The following PTGER4 variants were observed in gnomAD, a reference collection of about 807,000 sequenced individuals.
The protein encoded by PTGER4 is prostaglandin E receptor 4, also known as prostaglandin E2 receptor EP4 subtype.
In PTGER4, 11 loss-of-function variants were observed where a neutral mutation model predicts 33.2. That is an observed-to-expected ratio of 0.33 (90% confidence interval 0.21 to 0.55). PTGER4 has a LOEUF of 0.55. Among genes scored for constraint, PTGER4 ranks in the 20% least tolerant of loss-of-function variants. The probability of loss-of-function intolerance (pLI) is 0.92; values close to 1 mark genes in which losing one functional copy is unlikely to be tolerated. For missense variants in PTGER4, 481 were observed against 650.2 expected (o/e 0.74, Z 2.83); for synonymous variants, 275 against 281.5 (o/e 0.98, Z 0.23).
chr5:40,730,299 G>T, the PTGER4 span: 1 of 1,612,080 alleles, frequency 6.2e-7, no homozygotes, highest in Non-Finnish European at 8.5e-7. Context: ...ATCATTTGGA[G>T]TTAACTGTAG....
the PTGER4 span, among the ~76,000 whole-genome samples, chr5:40,723,294 T>C: frequency 6.6e-6 from 1 of 152,094 alleles, no homozygotes; most frequent in African/African-American, 2.4e-5. Context: ...ACACAAACAC[T>C]GTGGAAGGCC....
the PTGER4 span, among the ~76,000 whole-genome samples, chr5:40,741,024 T>C: frequency 2.0e-5 from 3 of 152,358 alleles, no homozygotes; most frequent in Admixed American, 1.3e-4. Flanking sequence ...AATCTCTCTG[T>C]CCACTACTTC....
At position 40,686,594 on chromosome 5, in the gene PTGER4, A is replaced by G. The variant is rs45490391; in HGVS notation, c.867+4734A>G. On this transcript the variant is annotated intron_variant, in intron 2 of 2. Transcript: ENST00000302472. Reference sequence around the variant, plus strand: ...GCTTGTTTGCTTCCAAAGCTTGGGCATTTATCTCTACAGCATATAGCCTCC... The same window carrying G: ...GCTTGTTTGCTTCCAAAGCTTGGGCGTTTATCTCTACAGCATATAGCCTCC... Among the ~76,000 whole-genome samples, 1,024 of 152,336 alleles carry G rather than the reference A, an allele frequency of 6.7e-3. 8 individuals are homozygous for G. Among genetic ancestry groups the G allele is most frequent in the African/African-American group, 0.022 (918 of 41,578 alleles).
chr5:40,722,039 A>C, the PTGER4 span, among the ~76,000 whole-genome samples: 4 of 152,204 alleles, frequency 2.6e-5, no homozygotes, highest in Non-Finnish European at 4.4e-5. Flanking sequence ...CAATATCACT[A>C]ATCAGGGAAA....
chr5:40,727,083 T>C, the PTGER4 span, among the ~76,000 whole-genome samples: 1 of 152,194 alleles, frequency 6.6e-6, no homozygotes, highest in African/African-American at 2.4e-5. Flanking sequence ...TTCCTTACTA[T>C]TTCTGAGAAT....
chr5:40,723,363 T>A, the PTGER4 span, among the ~76,000 whole-genome samples: 10 of 152,134 alleles, frequency 6.6e-5, no homozygotes, highest in South Asian at 2.1e-3. Context: ...TCTGCTGACC[T>A]TCCCTCCACT....
the PTGER4 span, chr5:40,716,517 GT>G: frequency 5.1e-5 from 78 of 1,540,674 alleles, no homozygotes; most frequent in Non-Finnish European, 6.0e-5. Context: ...TAAGGTCAGA[GT>G]TTTTTGTTTT....
At chr5:40,697,751 A>T (rs566463639), downstream of PTGER4, among the ~76,000 whole-genome samples, 1 of 152,112 alleles carries the variant, frequency 6.6e-6, no homozygotes, top group South Asian at 2.1e-4. Flanking sequence ...TCCATGAAAA[A>T]CAAAGAGAGG....
Position 40,692,161 on chromosome 5 carries a change from G to A in PTGER4, c.1250G>A (p.Gly417Asp). 7 of 1,614,224 alleles carry A rather than the reference G, an allele frequency of 4.3e-6. No individual in the cohort carries two copies. The highest frequency in any genetic ancestry group is 5.1e-6 in the Non-Finnish European group (6 of 1,180,046). The change falls in exon 3 of 3, where the codon GGT becomes GAT. Residue 417 changes from glycine to aspartate, a missense_variant. Physicochemically the swap from Gly to Asp is moderately conservative, Grantham distance 94. Coordinates refer to ENST00000302472, the MANE Select transcript of PTGER4 (RefSeq NM_000958.3). ...CTTGGAGGCAGGAATTTGCTTCCAG[G>A]TGTGCCTGGCATGGGCCTGGCCCAG... Reference protein sequence around the residue: ...NGLGGRNLLPGVPGMGLAQED... With the variant: ...NGLGGRNLLPDVPGMGLAQED...
chr5:40,713,668 G>A, the PTGER4 span, among the ~76,000 whole-genome samples: 2 of 152,138 alleles, frequency 1.3e-5, no homozygotes, highest in African/African-American at 2.4e-5. Flanking sequence ...TAGACACTCT[G>A]ACTAATGAGT....
intron 2 of PTGER4, among the ~76,000 whole-genome samples, chr5:40,687,756 T>C (rs1561129802): frequency 2.6e-5 from 4 of 152,348 alleles, no homozygotes; most frequent in South Asian, 4.1e-4. Context: ...ATTTGGACTT[T>C]TGCTTTTTAA....
the PTGER4 span, among the ~76,000 whole-genome samples, chr5:40,720,326 CTT>C: frequency 2.0e-5 from 3 of 152,154 alleles, no homozygotes; most frequent in African/African-American, 7.2e-5. Context: ...ATTAAATTGT[CTT>C]GACACCCTTG....
the PTGER4 span, among the ~76,000 whole-genome samples, chr5:40,730,839 G>A: frequency 4.6e-5 from 7 of 151,992 alleles, no homozygotes; most frequent in Admixed American, 2.6e-4. Flanking sequence ...AACAGATAAG[G>A]GAGAAAAAAG....
downstream of PTGER4, among the ~76,000 whole-genome samples, chr5:40,695,597 AGCT>A (rs757151734): frequency 3.3e-5 from 5 of 152,064 alleles, no homozygotes; most frequent in Non-Finnish European, 2.9e-5. Flanking sequence ...CCGTGTGCCC[AGCT>A]ACTCAGGAGG....
chr5:40,692,002 C>T lies in PTGER4; in HGVS notation c.1091C>T (p.Ser364Leu). The change falls in exon 3 of 3, where the codon TCA becomes TTA. Residue 364 changes from serine to leucine, a missense_variant. By Grantham distance (145) the Ser-to-Leu change is moderately radical (BLOSUM62 -2). Transcript: ENST00000302472. ...SRRERSGQHC[S>L]DSQRTSSAMS... is the part of the protein sequence containing the mutation. ...AGGGAGCGCTCCGGACAGCACTGCTCAGACAGTCAAAGGACATCTTCTGCC... is the reference window on the plus strand; with the variant it reads ...AGGGAGCGCTCCGGACAGCACTGCTTAGACAGTCAAAGGACATCTTCTGCC... 1 of 1,614,182 alleles carries T rather than the reference C, an allele frequency of 6.2e-7. No homozygotes were observed. The highest frequency in any genetic ancestry group is 8.5e-7 in the Non-Finnish European group (1 of 1,180,032).
the PTGER4 span, among the ~76,000 whole-genome samples, chr5:40,724,253 A>C: frequency 7.2e-5 from 11 of 152,242 alleles, no homozygotes; most frequent in Admixed American, 7.2e-4. Flanking sequence ...CATTATGCTA[A>C]GTGAAAGAAG....
chr5:40,705,211 A>G, the PTGER4 span, among the ~76,000 whole-genome samples: 1 of 152,218 alleles, frequency 6.6e-6, no homozygotes, highest in Non-Finnish European at 1.5e-5. Flanking sequence ...GCTGAAAAAA[A>G]GAAGCAATGG....
At chr5:40,733,976 T>C in the PTGER4 span, among the ~76,000 whole-genome samples, 5 of 152,360 alleles carry the variant, frequency 3.3e-5, no homozygotes, top group East Asian at 9.6e-4. Flanking sequence ...TCTTCTCAAC[T>C]GCACTGTCTT....
chr5:40,708,735 A>G, the PTGER4 span, among the ~76,000 whole-genome samples: 1 of 152,224 alleles, frequency 6.6e-6, no homozygotes, highest in African/African-American at 2.4e-5. Context: ...ACAAAAAAAG[A>G]GAATTTTAGA....
Sources: allele counts gnomAD v4.1 joint callset (sites outside exome capture counted in the v4.1 genomes callset), GRCh38; gene constraint gnomAD v4.1.1; transcripts MANE v1.5; gene names NCBI Gene and HGNC (gene_info 2026-07-23, HGNC 2026-07-21).